CA10: variants seen among roughly 807,000 people sequenced by gnomAD.
CA10 encodes carbonic anhydrase 10 (inactive).
CA10 carries 14 observed loss-of-function variants against 44.2 expected under a neutral mutation model. That is an observed-to-expected ratio of 0.32 (90% CI 0.21 to 0.50). The LOEUF is 0.50. CA10 is among the 20% of genes least tolerant of loss of function. The probability of loss-of-function intolerance (pLI) is 0.99; values close to 1 mark genes in which losing one functional copy is unlikely to be tolerated. For missense variants in CA10, 350 were observed against 409.7 expected, an observed-to-expected ratio of 0.85 and a Z score of 1.26; for synonymous variants, 159 against 141.6, an observed-to-expected ratio of 1.12 and a Z score of -0.87.
intron 2 of CA10, among the ~76,000 whole-genome samples, chr17:52,056,749 A>G (rs1430534174): frequency 6.6e-6 from 1 of 151,970 alleles, no homozygotes; most frequent in Non-Finnish European, 1.5e-5. Context: ...CCATTATCAT[A>G]CAACCACCCA....
chr17:51,955,265 C>T (rs1408255432), intron 2 of CA10, among the ~76,000 whole-genome samples: 1 of 152,098 alleles, frequency 6.6e-6, no homozygotes, highest in Admixed American at 6.6e-5. Flanking sequence ...TGAGAGGTTT[C>T]CTGATGGCCT....
At chr17:52,138,593 G>A (rs1021202369) in intron 1 of CA10, among the ~76,000 whole-genome samples, 1 of 152,178 alleles carries the variant, frequency 6.6e-6, no homozygotes, top group African/African-American at 2.4e-5. Flanking sequence ...AACAGCATGA[G>A]CAAGCAGGTT....
intron 4 of CA10, among the ~76,000 whole-genome samples, chr17:51,727,483 G>A (rs1916563390): frequency 6.6e-6 from 1 of 152,042 alleles, no homozygotes; most frequent in East Asian, 1.9e-4. Context: ...ATGGCTCCAT[G>A]TGAGTGATGC....
intron 3 of CA10, among the ~76,000 whole-genome samples, chr17:51,906,287 C>G (rs556921767): frequency 1.3e-5 from 2 of 152,056 alleles, no homozygotes; most frequent in Non-Finnish European, 2.9e-5. Context: ...TTTTTCCCCC[C>G]GGTATTCCAC....
intron 4 of CA10, among the ~76,000 whole-genome samples, chr17:51,692,411 C>CTATA (rs1915239381): frequency 1.6e-5 from 2 of 125,062 alleles, no homozygotes; most frequent in Non-Finnish European, 3.7e-5. Flanking sequence ...ATCTATCTAT[C>CTATA]TATCTATCTA....
chr17:51,949,873 C>T (rs1983418001), intron 2 of CA10, among the ~76,000 whole-genome samples: 2 of 152,126 alleles, frequency 1.3e-5, no homozygotes, highest in Admixed American at 6.5e-5. Flanking sequence ...TGTCTTAAAG[C>T]AACTCAGTCT....
chr17:51,633,924 A>G (rs1242482270), intron 7 of CA10, among the ~76,000 whole-genome samples: 1 of 152,190 alleles, frequency 6.6e-6, no homozygotes, highest in Non-Finnish European at 1.5e-5. Flanking sequence ...TGCAGCATCC[A>G]AAAAAGGAGC....
chr17:51,868,565 T>C (rs963759136), intron 3 of CA10, among the ~76,000 whole-genome samples: 2 of 152,228 alleles, frequency 1.3e-5, no homozygotes, highest in African/African-American at 4.8e-5. Flanking sequence ...TCTCCTGATC[T>C]TCTGGCCTCC....
intron 6 of CA10, among the ~76,000 whole-genome samples, chr17:51,643,757 G>A (rs1188487001): frequency 2.0e-5 from 3 of 152,138 alleles, no homozygotes; most frequent in Non-Finnish European, 4.4e-5. Flanking sequence ...CCTCCCCTGA[G>A]GGAAGCTGGA....
chr17:52,129,935 A>T (rs1332025466), intron 1 of CA10, among the ~76,000 whole-genome samples: 2 of 152,232 alleles, frequency 1.3e-5, no homozygotes, highest in Non-Finnish European at 2.9e-5. Context: ...AATATCCAAA[A>T]TATACAAGAA....
rs532971274 is a variant in CA10 at position 51,704,461 on chromosome 17, C to T, written c.465+43172G>A. 1.2e-4 allele frequency among the ~76,000 whole-genome samples: 18 copies of T among 152,268 alleles called. No homozygotes were observed. The South Asian group carries it at 3.3e-3, about 28-fold the overall frequency. On this transcript the variant is annotated intron_variant, in intron 4 of 8. Transcript: ENST00000451037. ...TTCTCTCTAGGCCACATTTTTCATC[C>T]GTAAAATAATGTAGCTGAACTCAAG...
At chr17:52,068,243 T>C (rs1987587354) in intron 2 of CA10, among the ~76,000 whole-genome samples, 1 of 152,222 alleles carries the variant, frequency 6.6e-6, no homozygotes, top group Admixed American at 6.5e-5. Flanking sequence ...CAAGGTCTGA[T>C]GGTTTTGTAA....
chr17:52,101,344 A>G lies in CA10; in HGVS notation c.62-28951T>C, dbSNP rs115942751. On this transcript the variant is annotated intron_variant, in intron 1 of 8. Coordinates refer to ENST00000451037, the MANE Select transcript of CA10 (RefSeq NM_020178.5). ...TCTCTGTTAAGACACTTTCAAAAGG[A>G]CCCTTGTATGAAAAGATTACTTGAG... Among the ~76,000 whole-genome samples the G allele has an allele frequency of 5.7e-3, 863 of 152,314 alleles. 6 individuals are homozygous for G. The highest frequency in any genetic ancestry group is 0.02 in the African/African-American group (817 of 41,556).
chr17:51,776,297 C>A (rs1905817576), intron 3 of CA10, among the ~76,000 whole-genome samples: 1 of 152,218 alleles, frequency 6.6e-6, no homozygotes, highest in East Asian at 1.9e-4. Context: ...ATCGCTTGAA[C>A]CTGGGAGATG....
chr17:52,034,049 A>G (rs181722254), intron 2 of CA10, among the ~76,000 whole-genome samples: 1 of 152,344 alleles, frequency 6.6e-6, no homozygotes, highest in Non-Finnish European at 1.5e-5. Context: ...GTGAGGAGGT[A>G]TTAGTCAAGG....
intron 2 of CA10, among the ~76,000 whole-genome samples, chr17:52,059,478 A>T (rs181412331): frequency 6.6e-6 from 1 of 152,108 alleles, no homozygotes; most frequent in African/African-American, 2.4e-5. Context: ...GATAACAAAA[A>T]GTCCGGGGGC....
intron 3 of CA10, among the ~76,000 whole-genome samples, chr17:51,815,467 G>A (rs546062126): frequency 4.9e-4 from 75 of 152,046 alleles, no homozygotes; most frequent in Non-Finnish European, 8.5e-4. Flanking sequence ...CTAATTCCTG[G>A]TACAGATAAA....
intron 3 of CA10, among the ~76,000 whole-genome samples, chr17:51,851,275 C>G (rs963735565): frequency 6.6e-6 from 1 of 152,194 alleles, no homozygotes. Context: ...CTGTAACCTA[C>G]GATGCAAACG....
intron 5 of CA10, among the ~76,000 whole-genome samples, chr17:51,650,789 T>G (rs1490145901): frequency 3.3e-5 from 5 of 152,208 alleles, no homozygotes; most frequent in Non-Finnish European, 5.9e-5. Flanking sequence ...GTGAGTCTGG[T>G]CAGCCCTTGC....
Sources: allele counts gnomAD v4.1 joint callset (sites outside exome capture counted in the v4.1 genomes callset), GRCh38; gene constraint gnomAD v4.1.1; transcripts MANE v1.5; gene names NCBI Gene and HGNC (gene_info 2026-07-23, HGNC 2026-07-21).